Variants in MTERF3 observed in about 807,000 individuals in gnomAD.
MTERF3 encodes the protein mitochondrial transcription termination factor 3, also known as transcription termination factor 3, mitochondrial.
A neutral mutation model predicts 40.5 loss-of-function variants in MTERF3; 40 were observed. The observed-to-expected ratio is 0.99, with a 90% confidence interval of 0.77 to 1.29. The LOEUF (loss-of-function observed/expected upper bound fraction) is 1.29. Among genes scored for constraint, MTERF3 ranks in the 50% most tolerant of loss-of-function variants. MTERF3 has a pLI of 0.00. For synonymous variants in MTERF3, 158 were observed against 166.6 expected, an observed-to-expected ratio of 0.95 and a Z score of 0.40; for missense variants, 452 against 478.2, an observed-to-expected ratio of 0.95 and a Z score of 0.51.
chr8:96,250,711 G>GGGAGAA (rs1317503281), intron 4 of MTERF3, among the ~76,000 whole-genome samples, 195 bp downstream of exon 4: 1 of 55,150 alleles, frequency 1.8e-5, no homozygotes, highest in Admixed American at 1.8e-4. Context: ...GAGGGGGAGG[G>GGGAGAA]GGAGAAGAAG....
At chr8:96,250,585 G>A (rs1810125899) in intron 4 of MTERF3, among the ~76,000 whole-genome samples, 1 of 129,726 alleles carries the variant, frequency 7.7e-6, no homozygotes, top group South Asian at 2.8e-4. Context: ...GTGGCCACCT[G>A]TAGTCACCCA....
chr8:96,260,423 C>A (rs1007518997), intron 1 of MTERF3, among the ~76,000 whole-genome samples: 4 of 115,538 alleles, frequency 3.5e-5, no homozygotes, highest in Non-Finnish European at 6.5e-5. Context: ...AGCAGTCTAA[C>A]AAAAGCAGCA....
intron 4 of MTERF3, among the ~76,000 whole-genome samples, chr8:96,249,360 C>A (rs1810081813): frequency 6.6e-6 from 1 of 152,176 alleles, no homozygotes; most frequent in Admixed American, 6.5e-5. Flanking sequence ...GCAAAAAGGG[C>A]AAGCTGGTTT....
chr8:96,256,745 A>C (rs996059544), intron 3 of MTERF3, among the ~76,000 whole-genome samples: 6 of 152,328 alleles, frequency 3.9e-5, no homozygotes, highest in Middle Eastern at 3.4e-3. Context: ...CACAAACAGA[A>C]AGAATGATAC....
At chr8:96,246,227 C>A (rs559998861) in intron 5 of MTERF3, 80 bp downstream of exon 5, 4 of 1,304,996 alleles carry the variant, frequency 3.1e-6, no homozygotes, top group East Asian at 4.8e-5. Flanking sequence ...ATGGGCCAGG[C>A]ATCTGCTGGG....
intron 3 of MTERF3, among the ~76,000 whole-genome samples, chr8:96,251,313 T>TA (rs1287295035): frequency 2.6e-5 from 4 of 152,232 alleles, no homozygotes; most frequent in African/African-American, 9.6e-5. Context: ...ATAGAGCATT[T>TA]AGTGCTACAT....
intron 6 of MTERF3, among the ~76,000 whole-genome samples, chr8:96,245,456 G>C (rs1272546813): frequency 1.3e-5 from 2 of 152,142 alleles, no homozygotes; most frequent in African/African-American, 4.8e-5. Context: ...TTTGGATCCA[G>C]CCTCCAAAAC....
chr8:96,248,430 A>G (rs1810061861), intron 4 of MTERF3, among the ~76,000 whole-genome samples: 1 of 152,220 alleles, frequency 6.6e-6, no homozygotes, highest in East Asian at 1.9e-4. Context: ...CAGTGAAGGT[A>G]AGATAGTGGG....
At chr8:96,252,451 G>A (rs1446573826) in intron 3 of MTERF3, among the ~76,000 whole-genome samples, 1 of 151,970 alleles carries the variant, frequency 6.6e-6, no homozygotes, top group Non-Finnish European at 1.5e-5. Context: ...AAAAAATTAC[G>A]TTTAACTACA....
chr8:96,250,469 TGGA>T (rs200929036), intron 4 of MTERF3, among the ~76,000 whole-genome samples: 2,826 of 145,338 alleles, frequency 0.019, 51 homozygotes, highest in Non-Finnish European at 0.03. Flanking sequence ...CCCAGCACTT[TGGA>T]GGCCAAGATG....
At position 96,250,936 on chromosome 8, in the gene MTERF3, A is replaced by T. The variant is rs1325943115; in HGVS notation, c.647T>A (p.Phe216Tyr). 1 of 1,609,734 alleles carries T rather than the reference A, an allele frequency of 6.2e-7. No homozygotes were observed. Among genetic ancestry groups the T allele is most frequent in the East Asian group, 2.2e-5 (1 of 44,738 alleles). ...GAFLTKNHAIFSEDLENLKTR... is the reference protein window; with the variant it reads ...GAFLTKNHAIYSEDLENLKTR... ...CTTCAGATTTTCAAGGTCTTCAGAG[A>T]AAATTGCATGATTTTTTGTCAGGAA... The change falls in exon 4 of 8, where the codon TTC (phenylalanine) becomes TAC (tyrosine). Residue 216 changes from phenylalanine to tyrosine, a missense_variant. Physicochemically the swap from Phe to Tyr is conservative, Grantham distance 22 (BLOSUM62 3). Coordinates refer to ENST00000287025, the MANE Select transcript of MTERF3 (RefSeq NM_015942.5).
rs1354616995 is a variant in MTERF3, at chr8:96,250,908, G to C, written c.675C>G (p.Thr225=). The C allele has an allele frequency of 1.2e-6, 2 of 1,602,680 alleles. No individual in the cohort carries two copies. The highest frequency in any genetic ancestry group is 2.2e-5 in the East Asian group (1 of 44,692). Reference sequence around the variant, plus strand: ...GAGAATCCTTTTAAAAGTCCTACCTGGTCTTCAGATTTTCAAGGTCTTCAG... The same window carrying C: ...GAGAATCCTTTTAAAAGTCCTACCTCGTCTTCAGATTTTCAAGGTCTTCAG... ...IFSEDLENLK[T]RVAYLHSKNF... is the part of the protein sequence containing the mutation. Residue 225 remains threonine, a splice_region_variant and synonymous_variant, in exon 4 of 8, where the codon ACC becomes ACG. Transcript: ENST00000287025.
In MTERF3 at chr8:96,250,929, T is replaced by C. The variant is rs527756096; in HGVS notation, c.654A>G (p.Glu218=). The change falls in exon 4 of 8, where the codon GAA becomes GAG. Residue 218 remains glutamate (E), a synonymous_variant. Coordinates refer to ENST00000287025, the MANE Select transcript of MTERF3 (RefSeq NM_015942.5). ...ACCTGGTCTTCAGATTTTCAAGGTC[T>C]TCAGAGAAAATTGCATGATTTTTTG... ...FLTKNHAIFS[E]DLENLKTRVA... 2 of 1,609,814 alleles carry C rather than the reference T, an allele frequency of 1.2e-6. No homozygotes were observed.
intron 3 of MTERF3, among the ~76,000 whole-genome samples, chr8:96,253,485 G>T (rs1379980786): frequency 6.6e-6 from 1 of 152,120 alleles, no homozygotes; most frequent in Non-Finnish European, 1.5e-5. Flanking sequence ...GGTGCATAGG[G>T]GTTGGCCTCC....
intron 3 of MTERF3, among the ~76,000 whole-genome samples, chr8:96,255,576 G>T (rs541357182): frequency 6.6e-6 from 1 of 151,362 alleles, no homozygotes; most frequent in Non-Finnish European, 1.5e-5. Flanking sequence ...GAGGCAGGTT[G>T]CAGTGAGCTG....
At chr8:96,243,892 T>TA (rs1563544863) in intron 7 of MTERF3, 27 bp downstream of exon 7, 1 of 1,610,110 alleles carries the variant, frequency 6.2e-7, no homozygotes, top group African/African-American at 1.3e-5. Flanking sequence ...TGGCAGCGCT[T>TA]ACAGAGAGAG....
At chr8:96,251,527 A>AT (rs1810185153) in intron 3 of MTERF3, among the ~76,000 whole-genome samples, 1 of 152,222 alleles carries the variant, frequency 6.6e-6, no homozygotes, top group Admixed American at 6.5e-5. Context: ...CATTATTTAA[A>AT]AAATATGTTT....
intron 7 of MTERF3, among the ~76,000 whole-genome samples, chr8:96,241,187 G>A (rs1024069606): frequency 6.6e-5 from 10 of 152,126 alleles, no homozygotes; most frequent in South Asian, 6.2e-4. Flanking sequence ...CAAGGTGGGC[G>A]GATCACGAAG....
At position 96,257,119 on chromosome 8, in the gene MTERF3, G is replaced by C; in HGVS notation, c.335-5C>G. 1 of 1,608,868 alleles carries C rather than the reference G, an allele frequency of 6.2e-7. No individual in the cohort carries two copies. Among genetic ancestry groups the C allele is most frequent in the Non-Finnish European group, 8.5e-7 (1 of 1,178,194 alleles). ...ATGGAGGCAATTCATCCAGTTCTTTGAAAGAGAGAAACAAATTAGTGCTCT... is the reference window on the plus strand; with the variant it reads ...ATGGAGGCAATTCATCCAGTTCTTTCAAAGAGAGAAACAAATTAGTGCTCT... On this transcript the variant is annotated splice_region_variant and splice_polypyrimidine_tract_variant and intron_variant, in intron 2 of 7. Coordinates refer to ENST00000287025, the MANE Select transcript of MTERF3 (RefSeq NM_015942.5).
Sources: allele counts gnomAD v4.1 joint callset (sites outside exome capture counted in the v4.1 genomes callset), GRCh38; gene constraint gnomAD v4.1.1; transcripts MANE v1.5; gene names NCBI Gene and HGNC (gene_info 2026-07-23, HGNC 2026-07-21).